The following GPC6 variants were observed in gnomAD, a reference collection of about 807,000 sequenced individuals.
GPC6 encodes the protein glypican 6.
In GPC6, 14 loss-of-function variants were observed where a neutral mutation model predicts 55.2. That is an observed-to-expected ratio of 0.25 (90% CI 0.17 to 0.40). The LOEUF (loss-of-function observed/expected upper bound fraction) is 0.40, where lower values mean the gene tolerates loss of function less well. Ranked by LOEUF, GPC6 falls within the 10% of genes least tolerant of loss-of-function variation. The pLI is 1.00. For missense variants in GPC6, 641 were observed against 708.5 expected (o/e 0.90, Z 1.08); for synonymous variants, 278 against 259.6 (o/e 1.07, Z -0.68).
chr13:93,900,555 A>G (rs1876287220), intron 3 of GPC6, among the ~76,000 whole-genome samples: 1 of 152,218 alleles, frequency 6.6e-6, no homozygotes, highest in African/African-American at 2.4e-5. Flanking sequence ...TTTAAAAAAT[A>G]GAACGCTGAT....
intron 4 of GPC6, among the ~76,000 whole-genome samples, chr13:94,144,799 A>G (rs1398349245): frequency 6.6e-6 from 1 of 152,148 alleles, no homozygotes; most frequent in Non-Finnish European, 1.5e-5. Flanking sequence ...TACTGCCTGG[A>G]ATAAGAATAA....
chr13:93,297,038 GC>G (rs1878520179), intron 1 of GPC6, among the ~76,000 whole-genome samples: 1 of 152,140 alleles, frequency 6.6e-6, no homozygotes, highest in Admixed American at 6.5e-5. Flanking sequence ...TAGACAGTGA[GC>G]CCCTGTCCTT....
chr13:93,267,825 A>G (rs1048486035), intron 1 of GPC6, among the ~76,000 whole-genome samples: 7 of 152,152 alleles, frequency 4.6e-5, no homozygotes, highest in African/African-American at 1.4e-4. Context: ...GAAACAAGAG[A>G]TTTTATATTT....
chr13:94,333,966 AAAATG>A (rs1877552952), intron 6 of GPC6, among the ~76,000 whole-genome samples: 1 of 152,232 alleles, frequency 6.6e-6, no homozygotes, highest in South Asian at 2.1e-4. Flanking sequence ...TCATTTTAAA[AAAATG>A]AAATGACAAC....
intron 6 of GPC6, among the ~76,000 whole-genome samples, chr13:94,374,839 A>G (rs2139197779): frequency 7.5e-6 from 1 of 132,914 alleles, no homozygotes; most frequent in East Asian, 2.2e-4. Flanking sequence ...AATGTAAAAG[A>G]ACAGAAATTA....
chr13:93,447,241 A>G lies in GPC6; in HGVS notation c.161-98022A>G, dbSNP rs192275732. 3.1e-3 allele frequency among the ~76,000 whole-genome samples: 475 copies of G among 152,308 alleles called. 1 individual carries two copies. The highest frequency in any genetic ancestry group is 5.1e-3 in the Non-Finnish European group (344 of 68,012). ...AGTTGAGAATTTGTTGCTTCTTTAT[A>G]TGGAATTTCTCTTCTATTAGCTGTA... On this transcript the variant is annotated intron_variant, in intron 1 of 8. Transcript: ENST00000377047.
intron 4 of GPC6, among the ~76,000 whole-genome samples, chr13:94,166,083 A>C (rs898802524): frequency 4.6e-5 from 7 of 152,148 alleles, no homozygotes; most frequent in Admixed American, 4.6e-4. Flanking sequence ...TGCAAGCAAA[A>C]TTGATGTGAA....
intron 2 of GPC6, among the ~76,000 whole-genome samples, chr13:93,722,885 TCTC>T (rs1471384170): frequency 2.0e-5 from 3 of 151,790 alleles, no homozygotes; most frequent in African/African-American, 7.3e-5. Flanking sequence ...GGGTGTCTCT[TCTC>T]CTCTTCTTGT....
chr13:93,702,905 C>G (rs1882721253), intron 2 of GPC6, among the ~76,000 whole-genome samples: 1 of 151,952 alleles, frequency 6.6e-6, no homozygotes, highest in Admixed American at 6.6e-5. Context: ...TCTATCCAGA[C>G]CCCTAAAACT....
intron 3 of GPC6, among the ~76,000 whole-genome samples, chr13:93,832,572 G>C (rs1026352992): frequency 1.3e-5 from 2 of 152,116 alleles, no homozygotes; most frequent in Non-Finnish European, 2.9e-5. Context: ...TTTCCGGTGA[G>C]ATAACAGAAT....
At chr13:93,629,090 A>G (rs1435902075) in intron 2 of GPC6, among the ~76,000 whole-genome samples, 10 of 151,862 alleles carry the variant, frequency 6.6e-5, no homozygotes, top group African/African-American at 2.2e-4. Flanking sequence ...ATTTATCACC[A>G]AGAATCCATT....
At chr13:93,859,625 G>A (rs183909781) in intron 3 of GPC6, among the ~76,000 whole-genome samples, 33 of 151,714 alleles carry the variant, frequency 2.2e-4, no homozygotes, top group African/African-American at 7.2e-4. Flanking sequence ...GTATAATTAC[G>A]CATCAGTAGT....
At chr13:93,947,394 T>G (rs1474542817) in intron 3 of GPC6, among the ~76,000 whole-genome samples, 3 of 152,190 alleles carry the variant, frequency 2.0e-5, no homozygotes, top group Non-Finnish European at 4.4e-5. Context: ...AAGAGATGAA[T>G]GGTAATATTT....
intron 3 of GPC6, among the ~76,000 whole-genome samples, chr13:93,876,819 C>T (rs1427623223): frequency 9.9e-5 from 15 of 152,092 alleles, no homozygotes; most frequent in East Asian, 9.7e-4. Context: ...TGCAAAATGA[C>T]GGGCTCATTT....
At position 93,818,343 on chromosome 13, in the gene GPC6, A is replaced by G. The variant is rs901294345; in HGVS notation, c.320-11811A>G. The G allele has an allele frequency of 9.2e-5, 14 of 152,178 alleles. No individual in the cohort carries two copies. In the East Asian group the frequency reaches 2.3e-3, roughly 25 times the overall value. The allele number at this position is 152,178 out of a possible 1,614,324, so 9.4% of individuals were successfully genotyped here. ...TGGACCAGAAAGATATAACCTAAAA[A>G]CTTAGCTTTCAATTAAGATGTAATA... On this transcript the variant is annotated intron_variant, in intron 2 of 8. Coordinates refer to ENST00000377047, the MANE Select transcript of GPC6 (RefSeq NM_005708.5).
At chr13:93,757,402 G>C (rs1884809683) in intron 2 of GPC6, among the ~76,000 whole-genome samples, 1 of 152,148 alleles carries the variant, frequency 6.6e-6, no homozygotes, top group Admixed American at 6.6e-5. Context: ...GCTTGGAGCA[G>C]CACAATGAAT....
chr13:93,885,497 C>T (rs906764832), intron 3 of GPC6, among the ~76,000 whole-genome samples: 5 of 151,050 alleles, frequency 3.3e-5, no homozygotes, highest in African/African-American at 4.9e-5. Flanking sequence ...AAAGAAAATA[C>T]GAGAGATTCA....
At chr13:93,876,245 T>A (rs1274135725) in intron 3 of GPC6, among the ~76,000 whole-genome samples, 2 of 152,000 alleles carry the variant, frequency 1.3e-5, no homozygotes, top group Admixed American at 6.6e-5. Flanking sequence ...TTTATTATAT[T>A]GTTAATTTCT....
intron 1 of GPC6, among the ~76,000 whole-genome samples, chr13:93,365,698 G>A (rs1031155426): frequency 6.6e-6 from 1 of 151,980 alleles, no homozygotes; most frequent in Non-Finnish European, 1.5e-5. Context: ...AACAATTATT[G>A]TGATTCTGGC....
Sources: allele counts gnomAD v4.1 joint callset (sites outside exome capture counted in the v4.1 genomes callset), GRCh38; gene constraint gnomAD v4.1.1; transcripts MANE v1.5; gene names NCBI Gene and HGNC (gene_info 2026-07-23, HGNC 2026-07-21).